Variants in TOMM70 observed in about 807,000 individuals in gnomAD.
TOMM70 encodes the protein translocase of outer mitochondrial membrane 70.
In TOMM70, 13 loss-of-function variants were observed where a neutral mutation model predicts 73.6. That is an observed-to-expected ratio of 0.18 (90% CI 0.11 to 0.28). The LOEUF (loss-of-function observed/expected upper bound fraction) is 0.28, where lower values mean the gene tolerates loss of function less well. TOMM70 is among the 10% of genes least tolerant of loss of function. The probability of loss-of-function intolerance (pLI) is 1.00; values close to 1 mark genes in which losing one functional copy is unlikely to be tolerated. For synonymous variants in TOMM70, 257 were observed against 271.2 expected, an observed-to-expected ratio of 0.95 and a Z score of 0.51; for missense variants, 609 against 747.5, an observed-to-expected ratio of 0.81 and a Z score of 2.16.
intron 5 of TOMM70, 126 bp from the exon 6 acceptor site, chr3:100,378,038 C>G (rs1238636115): frequency 1.5e-6 from 1 of 688,432 alleles, no homozygotes. Flanking sequence ...CGAGGTCAGG[C>G]ATTCGAGACC....
intron 1 of TOMM70, among the ~76,000 whole-genome samples, chr3:100,390,542 T>C (rs576673291): frequency 1.1e-4 from 17 of 152,184 alleles, no homozygotes; most frequent in Middle Eastern, 3.4e-3. Flanking sequence ...ATAGCATATA[T>C]TGGGGCCGGG....
chr3:100,396,930 C>A (rs1046487792), intron 1 of TOMM70, among the ~76,000 whole-genome samples: 1 of 152,124 alleles, frequency 6.6e-6, no homozygotes, highest in Non-Finnish European at 1.5e-5. Context: ...AATCTCCAAC[C>A]CAATAGACAG....
intron 9 of TOMM70, among the ~76,000 whole-genome samples, chr3:100,369,872 C>G (rs1405141404): frequency 6.6e-6 from 1 of 152,134 alleles, no homozygotes; most frequent in African/African-American, 2.4e-5. Flanking sequence ...GTCTTCAGAG[C>G]TATTTGTTTA....
At chr3:100,387,858 A>G (rs1156929782) in intron 1 of TOMM70, among the ~76,000 whole-genome samples, 1 of 152,140 alleles carries the variant, frequency 6.6e-6, no homozygotes, top group Non-Finnish European at 1.5e-5. Flanking sequence ...CTGGAGTCTT[A>G]TATGTTTTTA....
intron 1 of TOMM70, among the ~76,000 whole-genome samples, chr3:100,398,721 G>A (rs759046060): frequency 3.8e-4 from 58 of 152,136 alleles, no homozygotes; most frequent in Non-Finnish European, 7.2e-4. Flanking sequence ...CAGGGATGAC[G>A]CTAAGGTCAA....
In TOMM70 at chr3:100,400,719, C is replaced by T. The variant is rs780877039; in HGVS notation, c.231G>A (p.Leu77=). Residue 77 remains leucine, a synonymous_variant, in exon 1 of 12, where the codon CTG becomes CTA. Transcript: ENST00000284320. ...EARGRGDASG[L]KRNSERKTPE... ...GGGTCTTCCGTTCGCTGTTGCGCTT[C>T]AGGCCGCTGGCGTCGCCCCGGCCTC... is the stretch of plus-strand genomic sequence containing the variant. 86 of 1,609,470 alleles carry T rather than the reference C, an allele frequency of 5.3e-5. No individual in the cohort carries two copies. Among genetic ancestry groups the T allele is most frequent in the Non-Finnish European group, 6.5e-5 (77 of 1,179,152 alleles).
chr3:100,377,874 T>C lies in TOMM70; in HGVS notation c.923A>G (p.Glu308Gly). The stretch of plus-strand genomic sequence containing the variant: ...TTCACTTATGATTTTATCGTAGTTT[T>C]CTTCTTCCATATACTGTTTGGCCTT... ...YLKAKQYMEE[E>G]NYDKIISECS... is the part of the protein sequence containing the mutation. Residue 308 changes from glutamate (E) to glycine (G), a missense_variant, in exon 6 of 12, where the codon GAA becomes GGA. By Grantham distance (98) the Glu-to-Gly change is moderately conservative. Around this residue, in one of 2 missense-constraint regions of TOMM70, gnomAD observed 432 missense variants for 584.1 expected, o/e 0.74. Coordinates refer to ENST00000284320, the MANE Select transcript of TOMM70 (RefSeq NM_014820.5). 1 of 1,614,086 alleles carries C rather than the reference T, an allele frequency of 6.2e-7. No homozygotes were observed. The highest frequency in any genetic ancestry group is 8.5e-7 in the Non-Finnish European group (1 of 1,180,022).
In TOMM70 at chr3:100,369,019, C is replaced by T. The variant is rs1310598370; in HGVS notation, c.1550+19G>A. ...CAAGAAATTTATTATCTCATTGGAA[C>T]AATCACAAAAATACATACCCTTTAT... On this transcript the variant is annotated intron_variant, in intron 10 of 11. Coordinates refer to ENST00000284320, the MANE Select transcript of TOMM70 (RefSeq NM_014820.5). 1 of 1,542,144 alleles carries T rather than the reference C, an allele frequency of 6.5e-7. No individual in the cohort carries two copies. The highest frequency in any genetic ancestry group is 2.3e-5 in the East Asian group (1 of 44,428).
Position 100,372,697 on chromosome 3 carries a change from T to C in TOMM70, c.1361A>G (p.Asn454Ser), listed in dbSNP as rs1706524167. ...ALYRQAYTGN[N>S]SSQIQAAMKG... ...CATAGCTGCTTGGATTTGTGAAGAGTTGTTTCCCGTATATGCCTGGCGGTA... is the reference window on the plus strand; with the variant it reads ...CATAGCTGCTTGGATTTGTGAAGAGCTGTTTCCCGTATATGCCTGGCGGTA... The change falls in exon 9 of 12, where the codon AAC becomes AGC. Residue 454 changes from asparagine (N) to serine (S), a missense_variant. By Grantham distance (46) the Asn-to-Ser change is conservative. This residue lies in a region of TOMM70 where 432 missense variants were observed against 584.1 expected (regional missense o/e 0.74). Transcript: ENST00000284320. 2 of 1,613,926 alleles carry C rather than the reference T, an allele frequency of 1.2e-6. No homozygotes were observed. Among genetic ancestry groups the C allele is most frequent in the Non-Finnish European group, 1.7e-6 (2 of 1,179,934 alleles).
chr3:100,399,968 G>A (rs1336564718), intron 1 of TOMM70, among the ~76,000 whole-genome samples: 1 of 152,066 alleles, frequency 6.6e-6, no homozygotes, highest in Non-Finnish European at 1.5e-5. Context: ...CAGCCAAGGG[G>A]GCTTCGGGGT....
At position 100,400,730 on chromosome 3, in the gene TOMM70, C is replaced by T. The variant is rs1490512408; in HGVS notation, c.220G>A (p.Ala74Thr). Residue 74 changes from alanine to threonine, a missense_variant, in exon 1 of 12, where the codon GCC becomes ACC. Coordinates refer to ENST00000284320, the MANE Select transcript of TOMM70 (RefSeq NM_014820.5). ...RRREARGRGD[A>T]SGLKRNSERK... ...TCGCTGTTGCGCTTCAGGCCGCTGG[C>T]GTCGCCCCGGCCTCTGGCCTCCCGG... 2 of 1,606,422 alleles carry T rather than the reference C, an allele frequency of 1.2e-6. No homozygotes were observed. Among genetic ancestry groups the T allele is most frequent in the Admixed American group, 1.7e-5 (1 of 59,598 alleles).
intron 3 of TOMM70, 138 bp from the exon 4 acceptor site, chr3:100,384,726 G>C: frequency 1.9e-6 from 1 of 526,878 alleles, no homozygotes; most frequent in Non-Finnish European, 3.3e-6. Flanking sequence ...CCAATTAACT[G>C]ATTCTTAATA....
intron 11 of TOMM70, 147 bp from the exon 12 acceptor site, chr3:100,365,864 AC>A: frequency 1.1e-6 from 1 of 888,564 alleles, no homozygotes; most frequent in Non-Finnish European, 1.7e-6. Context: ...ATGAAGTCTG[AC>A]CACTAAGTTT....
chr3:100,397,311 A>G (rs1445036422), intron 1 of TOMM70, among the ~76,000 whole-genome samples: 2 of 152,240 alleles, frequency 1.3e-5, no homozygotes, highest in Non-Finnish European at 2.9e-5. Flanking sequence ...CTATTAAAAG[A>G]AGACAAAAGT....
chr3:100,377,486 G>GA (rs144101334), intron 6 of TOMM70: 187 of 506,960 alleles, frequency 3.7e-4, no homozygotes, highest in East Asian at 6.0e-4. Context: ...GATGCTATAG[G>GA]AAAAAAAAAT....
chr3:100,365,231 A>C lies in TOMM70; in HGVS notation c.*333T>G. 1 of 234,046 alleles carries C rather than the reference A, an allele frequency of 4.3e-6. No homozygotes were observed. The highest frequency in any genetic ancestry group is 8.4e-6 in the Non-Finnish European group (1 of 118,360). 14.5% of individuals were successfully genotyped at this position (234,046 alleles called of 1,614,324 possible). ...ATATAGACGGAATCATCCAGAACAT[A>C]ATCAACTGCCAACCCCCCTTAAAAA... is the stretch of plus-strand genomic sequence containing the variant. On this transcript the variant is annotated 3_prime_UTR_variant, in exon 12 of 12. Transcript: ENST00000284320.
Position 100,401,045 on chromosome 3 carries a change from TG to T in TOMM70, c.-97del, listed in dbSNP as rs1425254032. On this transcript the variant is annotated 5_prime_UTR_variant, in exon 1 of 12. Coordinates refer to ENST00000284320, the MANE Select transcript of TOMM70 (RefSeq NM_014820.5). ...AGACCGAGGGAGGGAAGGAAAGCAA[TG>T]AGCGAGCGAGCACGCTAGGCAGAGA... The T allele has an allele frequency of 1.6e-5, 21 of 1,305,748 alleles. No homozygotes were observed. The East Asian group carries it at 4.3e-4, about 27-fold the overall frequency. 80.9% of individuals were successfully genotyped at this position (1,305,748 alleles called of 1,614,324 possible).
At chr3:100,398,904 T>A (rs542226830) in intron 1 of TOMM70, among the ~76,000 whole-genome samples, 2 of 152,244 alleles carry the variant, frequency 1.3e-5, no homozygotes, top group South Asian at 2.1e-4. Flanking sequence ...TCTCATGGCC[T>A]AGCACAATGC....
intron 1 of TOMM70, among the ~76,000 whole-genome samples, chr3:100,389,661 T>C (rs1370718355): frequency 6.6e-6 from 1 of 152,242 alleles, no homozygotes; most frequent in East Asian, 1.9e-4. Context: ...CATCACATGA[T>C]GTCCAGATAG....
Sources: gnomAD v4.1 joint callset for allele counts (sites outside exome capture counted in the v4.1 genomes callset) on GRCh38, gnomAD v4.1.1 for gene constraint, gnomAD v4.1.1 regional missense constraint, MANE v1.5 for transcripts, NCBI Gene and HGNC (gene_info 2026-07-23, HGNC 2026-07-21) for gene names.